The following SUPT3H variants were observed in gnomAD, a reference collection of about 807,000 sequenced individuals.
SUPT3H encodes the protein SPT3 homolog, SAGA and STAGA complex component.
A neutral mutation model predicts 44.3 loss-of-function variants in SUPT3H; 44 were observed. That is an observed-to-expected ratio of 0.99 (90% CI 0.78 to 1.28). The LOEUF (loss-of-function observed/expected upper bound fraction) is 1.28. Ranked by LOEUF, SUPT3H falls within the 50% of genes most tolerant of loss-of-function variation. The pLI, the probability that SUPT3H is intolerant of heterozygous loss-of-function variation, is 0.00. For missense variants in SUPT3H, 380 were observed against 387.1 expected (o/e 0.98, Z 0.15); for synonymous variants, 124 against 125.6 (o/e 0.99, Z 0.09).
intron 10 of SUPT3H, among the ~76,000 whole-genome samples, chr6:44,901,500 C>T: frequency 6.6e-6 from 1 of 151,978 alleles, no homozygotes; most frequent in Non-Finnish European, 1.5e-5. Context: ...ACGAACAAAG[C>T]CTCCAAGAAA....
chr6:44,908,036 C>G (rs1447734783), intron 10 of SUPT3H, among the ~76,000 whole-genome samples: 1 of 152,132 alleles, frequency 6.6e-6, no homozygotes, highest in Non-Finnish European at 1.5e-5. Flanking sequence ...CTGCTGAAAT[C>G]CATTTCATTG....
At chr6:45,003,418 T>C (rs972171024) in intron 6 of SUPT3H, among the ~76,000 whole-genome samples, 4 of 152,158 alleles carry the variant, frequency 2.6e-5, no homozygotes, top group Non-Finnish European at 4.4e-5. Flanking sequence ...AACCTAATCA[T>C]TTTCAAAACG....
intron 2 of SUPT3H, among the ~76,000 whole-genome samples, chr6:45,328,968 T>C (rs1437529453): frequency 2.6e-5 from 4 of 152,012 alleles, no homozygotes; most frequent in African/African-American, 9.7e-5. Flanking sequence ...CTGTAATGTA[T>C]CTAATTTTCA....
chr6:45,211,045 A>T (rs1351804821), intron 2 of SUPT3H, among the ~76,000 whole-genome samples: 4 of 152,194 alleles, frequency 2.6e-5, no homozygotes, highest in Admixed American at 2.6e-4. Context: ...TCCACAAAGG[A>T]GCATGGGAAA....
In SUPT3H at chr6:45,310,470, A is replaced by G. The variant is rs140653144; in HGVS notation, c.101+54731T>C. 2.6e-4 allele frequency among the ~76,000 whole-genome samples: 40 copies of G among 152,250 alleles called. 2 individuals carry two copies. In the East Asian group the frequency reaches 7.8e-3, roughly 30 times the overall value. On this transcript the variant is annotated intron_variant, in intron 2 of 10. Transcript: ENST00000371459. ...AGCACCACCTCCTGGCAGGAAGTCA[A>G]CCAGCACAAAAATAGAGCATTAAAC...
chr6:45,263,980 G>C (rs1263486865), intron 2 of SUPT3H, among the ~76,000 whole-genome samples: 1 of 152,128 alleles, frequency 6.6e-6, no homozygotes, highest in Non-Finnish European at 1.5e-5. Context: ...ATACCTTCCA[G>C]AGGATCGATT....
intron 9 of SUPT3H, among the ~76,000 whole-genome samples, chr6:44,939,212 T>C (rs886860083): frequency 4.6e-5 from 7 of 152,248 alleles, no homozygotes; most frequent in East Asian, 3.9e-4. Flanking sequence ...GTTTGTAGTA[T>C]ATGGCCTTTA....
At chr6:44,882,631 C>G (rs929071265) in intron 10 of SUPT3H, among the ~76,000 whole-genome samples, 2 of 152,120 alleles carry the variant, frequency 1.3e-5, no homozygotes, top group Non-Finnish European at 2.9e-5. Flanking sequence ...ATGCAAAAAT[C>G]CTCAATAAAA....
chr6:45,283,463 C>A (rs1301534256), intron 2 of SUPT3H, among the ~76,000 whole-genome samples: 1 of 151,972 alleles, frequency 6.6e-6, no homozygotes, highest in African/African-American at 2.4e-5. Context: ...AGACTTTAAA[C>A]CAACAAAGGT....
At chr6:44,837,315 G>A (rs1257903746) in intron 10 of SUPT3H, among the ~76,000 whole-genome samples, 4 of 152,118 alleles carry the variant, frequency 2.6e-5, no homozygotes, top group Non-Finnish European at 5.9e-5. Flanking sequence ...GTATGTCTAA[G>A]GCATAACCCA....
intron 2 of SUPT3H, among the ~76,000 whole-genome samples, chr6:45,173,705 C>G (rs1276421004): frequency 2.0e-5 from 3 of 152,168 alleles, no homozygotes; most frequent in Non-Finnish European, 4.4e-5. Context: ...GAGAACTTAT[C>G]AGCATAGAGC....
At chr6:44,982,182 TTTTG>T (rs66595702) in intron 6 of SUPT3H, among the ~76,000 whole-genome samples, 18,408 of 151,656 alleles carry the variant, frequency 0.12, 1,380 homozygotes, top group East Asian at 0.24. Flanking sequence ...CAATGATTCT[TTTTG>T]TTTGTTTGTT....
chr6:45,233,493 A>T (rs1337170894), intron 2 of SUPT3H, among the ~76,000 whole-genome samples: 1 of 152,206 alleles, frequency 6.6e-6, no homozygotes, highest in African/African-American at 2.4e-5. Flanking sequence ...GTGAAGGTAG[A>T]GAAGCTCTCT....
chr6:44,939,841 T>C (rs1772108194), intron 9 of SUPT3H, among the ~76,000 whole-genome samples: 1 of 152,136 alleles, frequency 6.6e-6, no homozygotes, highest in Admixed American at 6.5e-5. Flanking sequence ...TTTGTGAGTG[T>C]ATAGTTGCTC....
chr6:45,002,674 C>CAAGATAACCACACATTTCTAAA (rs1227714601), intron 6 of SUPT3H, among the ~76,000 whole-genome samples: 3 of 151,984 alleles, frequency 2.0e-5, no homozygotes, highest in African/African-American at 4.8e-5. Context: ...TGTACCAAAC[C>CAAGATAACCACACATTTCTAAA]AAGATAACCA....
chr6:45,290,454 A>AT (rs202221600), intron 2 of SUPT3H, among the ~76,000 whole-genome samples: 54,965 of 128,122 alleles, frequency 0.43, 12,576 homozygotes, highest in East Asian at 0.72. Flanking sequence ...GGCATGGATG[A>AT]TCAAAAAAAA....
chr6:45,012,087 T>C (rs552724535), intron 5 of SUPT3H, among the ~76,000 whole-genome samples: 7 of 151,508 alleles, frequency 4.6e-5, no homozygotes, highest in African/African-American at 1.7e-4. Context: ...ACTTTCATGA[T>C]TTTTTGTCTG....
At chr6:44,939,740 T>G (rs1355598249) in intron 9 of SUPT3H, among the ~76,000 whole-genome samples, 6 of 152,180 alleles carry the variant, frequency 3.9e-5, no homozygotes, top group Non-Finnish European at 8.8e-5. Flanking sequence ...GTACTTGTTA[T>G]TGGTCTATTC....
intron 2 of SUPT3H, among the ~76,000 whole-genome samples, chr6:45,265,546 G>A (rs1775112126): frequency 6.6e-6 from 1 of 152,024 alleles, no homozygotes; most frequent in Non-Finnish European, 1.5e-5. Flanking sequence ...GCCAAGAAAA[G>A]ACTGCACATT....
Sources: allele counts gnomAD v4.1 joint callset (sites outside exome capture counted in the v4.1 genomes callset), GRCh38; gene constraint gnomAD v4.1.1; transcripts MANE v1.5; gene names NCBI Gene and HGNC (gene_info 2026-07-23, HGNC 2026-07-21).